LRBA: variants seen among roughly 807,000 people sequenced by gnomAD.
LRBA encodes lipopolysaccharide-responsive and beige-like anchor protein.
A neutral mutation model predicts 330.0 loss-of-function variants in LRBA; 176 were observed. That is an observed-to-expected ratio of 0.53 (90% CI 0.47 to 0.60). The LOEUF is 0.60. Among genes scored for constraint, LRBA ranks in the 20% least tolerant of loss-of-function variants. LRBA has a pLI of 0.00. For missense variants in LRBA, 3,259 were observed against 3,444.8 expected (o/e 0.95, Z 1.35); for synonymous variants, 1,230 against 1,193.0 (o/e 1.03, Z -0.64).
chr4:150,271,317 T>G (rs760622903), intron 56 of LRBA, among the ~76,000 whole-genome samples: 3 of 151,520 alleles, frequency 2.0e-5, no homozygotes, highest in South Asian at 2.1e-4. Flanking sequence ...GCAGGAGTTT[T>G]TTTTTTTTTT....
At position 150,751,595 on chromosome 4, in the gene LRBA, T is replaced by C. The variant is rs184075152; in HGVS notation, c.5645+10188A>G. Among the ~76,000 whole-genome samples the C allele has an allele frequency of 2.8e-3, 434 of 152,300 alleles. 1 individual carries two copies. Among genetic ancestry groups the C allele is most frequent in the African/African-American group, 9.5e-3 (396 of 41,584 alleles). The stretch of plus-strand genomic sequence containing the variant: ...AAAGGTAAATTAAAGTTTTAATTAT[T>C]ATAAGCAGGCTCAAAATGTTGGGTT... On this transcript the variant is annotated intron_variant, in intron 35 of 56. Transcript: ENST00000651943.
intron 37 of LRBA, among the ~76,000 whole-genome samples, chr4:150,660,455 A>G (rs1370521481): frequency 3.5e-3 from 531 of 150,168 alleles, no homozygotes; most frequent in Middle Eastern, 6.9e-3. Flanking sequence ...CTGCCCGGCC[A>G]GCCGCCCCGT....
At chr4:150,804,030 T>C (rs2064161937) in intron 33 of LRBA, among the ~76,000 whole-genome samples, 1 of 152,022 alleles carries the variant, frequency 6.6e-6, no homozygotes. Flanking sequence ...TGTAATAAAA[T>C]TAAACATAGT....
chr4:150,664,572 T>C (rs1781404491), intron 37 of LRBA, among the ~76,000 whole-genome samples: 1 of 152,142 alleles, frequency 6.6e-6, no homozygotes, highest in African/African-American at 2.4e-5. Context: ...AACTCCTAAA[T>C]CCTTAGCCCC....
intron 28 of LRBA, among the ~76,000 whole-genome samples, chr4:150,843,419 T>A (rs1411443230): frequency 6.6e-6 from 1 of 152,228 alleles, no homozygotes; most frequent in Non-Finnish European, 1.5e-5. Context: ...AGTGCAATTA[T>A]AAATTATTTT....
At chr4:150,671,274 T>G (rs2126867451) in intron 37 of LRBA, among the ~76,000 whole-genome samples, 1 of 152,268 alleles carries the variant, frequency 6.6e-6, no homozygotes, top group Non-Finnish European at 1.5e-5. Context: ...TAACAGTTAT[T>G]AAGCATTTAC....
chr4:150,517,735 T>C (rs1026307496), intron 40 of LRBA, among the ~76,000 whole-genome samples: 1 of 152,222 alleles, frequency 6.6e-6, no homozygotes, highest in Non-Finnish European at 1.5e-5. Context: ...TAAATTTTTT[T>C]CTATGTCATA....
chr4:150,876,894 C>T (rs1299981330), intron 17 of LRBA, among the ~76,000 whole-genome samples: 1 of 152,122 alleles, frequency 6.6e-6, no homozygotes, highest in African/African-American at 2.4e-5. Flanking sequence ...TAAATGCCCC[C>T]ACTCAAAAGA....
At chr4:150,777,066 T>TGTGTTGTTG (rs1553959731) in intron 34 of LRBA, among the ~76,000 whole-genome samples, 16 of 134,306 alleles carry the variant, frequency 1.2e-4, no homozygotes, top group Non-Finnish European at 2.3e-4. Flanking sequence ...TTTGAGGGGT[T>TGTGTTGTTG]TTGTTGTTGT....
intron 36 of LRBA, among the ~76,000 whole-genome samples, chr4:150,733,098 T>C (rs1730678606): frequency 6.6e-6 from 1 of 152,112 alleles, no homozygotes; most frequent in African/African-American, 2.4e-5. Context: ...AACTCTACTG[T>C]TATTTTAATG....
intron 22 of LRBA, among the ~76,000 whole-genome samples, chr4:150,862,092 C>T (rs1350596541): frequency 6.6e-6 from 1 of 152,124 alleles, no homozygotes; most frequent in East Asian, 1.9e-4. Flanking sequence ...GGACTGTAAA[C>T]TAGTTCAACC....
At chr4:150,466,589 A>G (rs1320439141) in intron 44 of LRBA, among the ~76,000 whole-genome samples, 2 of 152,148 alleles carry the variant, frequency 1.3e-5, no homozygotes, top group African/African-American at 2.4e-5. Context: ...ACATACAGGA[A>G]TAAAGGACCA....
At chr4:150,559,769 A>ATATAT (rs550682959) in intron 40 of LRBA, among the ~76,000 whole-genome samples, 12 of 88,156 alleles carry the variant, frequency 1.4e-4, no homozygotes, top group East Asian at 5.6e-4. Flanking sequence ...TATAGATTAT[A>ATATAT]TATATTATAT....
intron 30 of LRBA, among the ~76,000 whole-genome samples, chr4:150,823,479 C>G (rs1323169842): frequency 1.3e-5 from 2 of 152,074 alleles, no homozygotes; most frequent in African/African-American, 2.4e-5. Flanking sequence ...GTGATCTCAT[C>G]TGTCCATGTT....
chr4:150,854,677 T>C (rs1751016263), intron 22 of LRBA, among the ~76,000 whole-genome samples: 1 of 152,236 alleles, frequency 6.6e-6, no homozygotes, highest in Non-Finnish European at 1.5e-5. Context: ...CTCTCTGTTC[T>C]ATTTGAACAA....
At chr4:150,598,229 T>C (rs866343093) in intron 38 of LRBA, among the ~76,000 whole-genome samples, 14 of 152,150 alleles carry the variant, frequency 9.2e-5, no homozygotes, top group African/African-American at 3.4e-4. Flanking sequence ...GTCAGGATAA[T>C]TTTAATGTGG....
chr4:150,465,399 C>T (rs1331122627), intron 44 of LRBA, among the ~76,000 whole-genome samples: 1 of 152,054 alleles, frequency 6.6e-6, no homozygotes, highest in Non-Finnish European at 1.5e-5. Flanking sequence ...CTTATCCCTA[C>T]TTTCAATTCT....
intron 47 of LRBA, among the ~76,000 whole-genome samples, chr4:150,377,693 T>A (rs922513337): frequency 6.6e-6 from 1 of 152,190 alleles, no homozygotes; most frequent in African/African-American, 2.4e-5. Context: ...TAACCATGAT[T>A]ATAAATCAAT....
chr4:150,719,105 T>C (rs2127071571), intron 36 of LRBA, among the ~76,000 whole-genome samples: 1 of 152,276 alleles, frequency 6.6e-6, no homozygotes, highest in East Asian at 1.9e-4. Flanking sequence ...GTTGGCACCA[T>C]CATTCCTCAC....
Sources: gnomAD v4.1 joint callset for allele counts (sites outside exome capture counted in the v4.1 genomes callset) on GRCh38, gnomAD v4.1.1 for gene constraint, MANE v1.5 for transcripts, NCBI Gene and HGNC (gene_info 2026-07-23, HGNC 2026-07-21) for gene names.